The following RGS6 variants were observed in gnomAD, a reference collection of about 807,000 sequenced individuals.
RGS6 encodes regulator of G-protein signaling 6.
A neutral mutation model predicts 78.5 loss-of-function variants in RGS6; 30 were observed. That is an observed-to-expected ratio of 0.38 (90% confidence interval 0.29 to 0.52). The LOEUF (loss-of-function observed/expected upper bound fraction) is 0.52, where lower values mean the gene tolerates loss of function less well. Ranked by LOEUF, RGS6 falls within the 20% of genes least tolerant of loss-of-function variation. RGS6 has a pLI of 0.85. For synonymous variants in RGS6, 206 were observed against 206.0 expected (o/e 1.00, Z 0.00); for missense variants, 495 against 609.7 (o/e 0.81, Z 1.98).
chr14:72,613,044 G>A, the RGS6 span, among the ~76,000 whole-genome samples: 185 of 151,866 alleles, frequency 1.2e-3, no homozygotes, highest in Non-Finnish European at 1.5e-3. Context: ...GTGCGTGCGT[G>A]CACGCACGCG....
chr14:72,039,989 C>T (rs2092240746), intron 2 of RGS6, among the ~76,000 whole-genome samples: 1 of 151,988 alleles, frequency 6.6e-6, no homozygotes, highest in South Asian at 2.1e-4. Context: ...AATTCCTTTA[C>T]ATCCCCCGTC....
chr14:72,335,738 G>A (rs568086802), intron 2 of RGS6, among the ~76,000 whole-genome samples: 1 of 152,324 alleles, frequency 6.6e-6, no homozygotes, highest in South Asian at 2.1e-4. Flanking sequence ...CAGCTGATGA[G>A]CTTAATGTTT....
At chr14:72,165,265 G>A (rs1010584071) in intron 2 of RGS6, among the ~76,000 whole-genome samples, 1 of 152,220 alleles carries the variant, frequency 6.6e-6, no homozygotes, top group Non-Finnish European at 1.5e-5. Flanking sequence ...ACCAGCCAGG[G>A]ATGCAAGGAA....
the RGS6 span, among the ~76,000 whole-genome samples, chr14:72,581,372 A>G: frequency 1.3e-5 from 2 of 152,058 alleles, no homozygotes; most frequent in Admixed American, 6.6e-5. Flanking sequence ...TTTCAGGCCA[A>G]CTACATTCCT....
intron 3 of RGS6, among the ~76,000 whole-genome samples, chr14:72,372,015 G>A (rs145298370): frequency 2.7e-4 from 41 of 152,248 alleles, no homozygotes; most frequent in African/African-American, 9.9e-4. Flanking sequence ...ACAAAATCGT[G>A]TTTCTGACAG....
chr14:72,042,146 G>A (rs1450701018), intron 2 of RGS6, among the ~76,000 whole-genome samples: 1 of 53,992 alleles, frequency 1.9e-5, no homozygotes, highest in Admixed American at 2.1e-4. Flanking sequence ...TTTTTTTTTT[G>A]AGATAGAGTC....
chr14:72,079,067 TAAAGGACACCTAG>T (rs2094707449), intron 2 of RGS6, among the ~76,000 whole-genome samples: 1 of 152,144 alleles, frequency 6.6e-6, no homozygotes, highest in Admixed American at 6.5e-5. Flanking sequence ...GTACCAAAAT[TAAAGGACACCTAG>T]ATGCCCTCCC....
At chr14:72,205,341 T>C (rs1287819819) in intron 2 of RGS6, among the ~76,000 whole-genome samples, 1 of 152,214 alleles carries the variant, frequency 6.6e-6, no homozygotes. Context: ...TGAGCTGTCC[T>C]GTGCAGTGAA....
At chr14:72,141,914 A>G (rs1158154651) in intron 2 of RGS6, among the ~76,000 whole-genome samples, 2 of 151,504 alleles carry the variant, frequency 1.3e-5, no homozygotes, top group African/African-American at 4.8e-5. Flanking sequence ...AACAAAACCC[A>G]AAGCACCTAG....
intron 1 of RGS6, among the ~76,000 whole-genome samples, chr14:71,944,849 G>T (rs537305849): frequency 2.6e-5 from 4 of 152,252 alleles, no homozygotes; most frequent in African/African-American, 7.2e-5. Flanking sequence ...AACCTAGATG[G>T]TATAGCCTAC....
chr14:72,292,334 C>T (rs568293222), intron 2 of RGS6, among the ~76,000 whole-genome samples: 7 of 152,304 alleles, frequency 4.6e-5, no homozygotes, highest in African/African-American at 1.7e-4. Context: ...TTTCGCTGAT[C>T]ACACACAGCC....
chr14:72,088,255 T>C (rs999312804), intron 2 of RGS6, among the ~76,000 whole-genome samples: 1 of 152,166 alleles, frequency 6.6e-6, no homozygotes, highest in African/African-American at 2.4e-5. Context: ...AAGAAATAAA[T>C]GCATCACTCA....
At chr14:72,553,113 G>A (rs889779010) in intron 17 of RGS6, among the ~76,000 whole-genome samples, 19 of 152,226 alleles carry the variant, frequency 1.2e-4, no homozygotes, top group African/African-American at 4.6e-4. Flanking sequence ...TGTGTTCAGT[G>A]TATGGTGTGC....
chr14:72,379,789 T>A (rs2085595216), intron 3 of RGS6, among the ~76,000 whole-genome samples: 1 of 151,986 alleles, frequency 6.6e-6, no homozygotes, highest in African/African-American at 2.4e-5. Flanking sequence ...ACCAAAATAA[T>A]GATATTCTTC....
At chr14:72,578,518 C>T in the RGS6 span, among the ~76,000 whole-genome samples, 1 of 152,204 alleles carries the variant, frequency 6.6e-6, no homozygotes, top group African/African-American at 2.4e-5. Context: ...TATCTGTTTC[C>T]TGCTTAAAAA....
intron 15 of RGS6, among the ~76,000 whole-genome samples, chr14:72,534,853 G>C (rs1405937690): frequency 6.6e-6 from 1 of 152,122 alleles, no homozygotes; most frequent in Admixed American, 6.5e-5. Context: ...CCTCCTCCCT[G>C]ACCAGCTCTC....
chr14:72,055,507 C>T (rs1055774046), intron 2 of RGS6, among the ~76,000 whole-genome samples: 4 of 152,160 alleles, frequency 2.6e-5, no homozygotes, highest in African/African-American at 7.2e-5. Flanking sequence ...TAGTAGTTGA[C>T]ATTCTTTTCT....
intron 3 of RGS6, among the ~76,000 whole-genome samples, chr14:72,408,570 G>A (rs2093141114): frequency 6.6e-6 from 1 of 152,102 alleles, no homozygotes; most frequent in Non-Finnish European, 1.5e-5. Context: ...TCTATCATCA[G>A]GTACAAAAGC....
intron 2 of RGS6, among the ~76,000 whole-genome samples, chr14:72,152,221 T>TGAGAGA (rs1200791259): frequency 4.8e-5 from 7 of 146,658 alleles, no homozygotes; most frequent in East Asian, 2.0e-4. Flanking sequence ...GGCAGCTGCA[T>TGAGAGA]GAGAGAGAGA....
Sources: allele counts gnomAD v4.1 joint callset (sites outside exome capture counted in the v4.1 genomes callset), GRCh38; gene constraint gnomAD v4.1.1; transcripts MANE v1.5; gene names NCBI Gene and HGNC (gene_info 2026-07-23, HGNC 2026-07-21).